TCF7L2: variants seen among roughly 807,000 people sequenced by gnomAD.
TCF7L2 encodes transcription factor 7-like 2.
In TCF7L2, 23 loss-of-function variants were observed where a neutral mutation model predicts 77.9. The observed-to-expected ratio is 0.30, with a 90% confidence interval of 0.21 to 0.42. The LOEUF is 0.42. TCF7L2 is among the 10% of genes least tolerant of loss of function. The pLI, the probability that TCF7L2 is intolerant of heterozygous loss-of-function variation, is 1.00. For synonymous variants in TCF7L2, 413 were observed against 340.2 expected (o/e 1.21, Z -2.36); for missense variants, 654 against 793.1 (o/e 0.82, Z 2.11).
In TCF7L2 at chr10:113,151,635, G is replaced by A. The variant is rs2137143225; in HGVS notation, c.1002-90G>A. On this transcript the variant is annotated intron_variant, in intron 9 of 13. Transcript: ENST00000627217. The surrounding 1 kb of genome is among the most constrained non-coding windows in gnomAD (Gnocchi z 5.2). Reference sequence around the variant, plus strand: ...TAATCCAAAACTGCTAGGCTTGGGGGTTATGAGACAAGGAGATACGTTCCC... The same window carrying A: ...TAATCCAAAACTGCTAGGCTTGGGGATTATGAGACAAGGAGATACGTTCCC... The A allele has an allele frequency of 2.7e-6, 4 of 1,462,696 alleles. No homozygotes were observed. The highest frequency in any genetic ancestry group is 3.6e-6 in the Non-Finnish European group (4 of 1,101,738). The allele number at this position is 1,462,696 out of a possible 1,614,324, so 90.6% of individuals were successfully genotyped here.
At chr10:113,149,163 A>C (rs917446604) in intron 8 of TCF7L2, among the ~76,000 whole-genome samples, 1 of 152,242 alleles carries the variant, frequency 6.6e-6, no homozygotes. Flanking sequence ...GTTTCCTCTG[A>C]GGCCTTCGAG....
intron 5 of TCF7L2, among the ~76,000 whole-genome samples, chr10:113,073,261 A>G (rs1264492519): frequency 6.6e-6 from 1 of 151,910 alleles, no homozygotes; most frequent in Non-Finnish European, 1.5e-5. Flanking sequence ...CGTTGACCAC[A>G]GGTGGAATTC....
intron 5 of TCF7L2, among the ~76,000 whole-genome samples, chr10:113,078,070 C>T (rs911945323): frequency 1.3e-5 from 2 of 151,356 alleles, no homozygotes; most frequent in African/African-American, 4.9e-5. Context: ...AATAATATTT[C>T]ATTATATGGA....
chr10:113,035,094 G>C (rs535956520), intron 4 of TCF7L2, among the ~76,000 whole-genome samples: 2 of 151,878 alleles, frequency 1.3e-5, no homozygotes, highest in East Asian at 3.9e-4. Context: ...GGGATTTTTA[G>C]ACTTCCATTC....
intron 4 of TCF7L2, among the ~76,000 whole-genome samples, chr10:113,031,450 C>T (rs1160086431): frequency 6.7e-6 from 1 of 150,222 alleles, no homozygotes; most frequent in African/African-American, 2.5e-5. Flanking sequence ...TCCCTCTAAA[C>T]AAGCCAGCAA....
chr10:113,054,680 G>T (rs1010589888), intron 5 of TCF7L2, among the ~76,000 whole-genome samples: 2 of 152,206 alleles, frequency 1.3e-5, no homozygotes, highest in Non-Finnish European at 2.9e-5. Context: ...CCTAGCCCAT[G>T]ATCTTCCCTC....
intron 5 of TCF7L2, among the ~76,000 whole-genome samples, chr10:113,128,139 G>A (rs1034224186): frequency 5.9e-5 from 9 of 152,080 alleles, no homozygotes; most frequent in African/African-American, 2.2e-4. Flanking sequence ...TTGTCAAAGT[G>A]GAGGCTCATT....
rs529235492 is a variant in TCF7L2, at chr10:113,059,531, T to C, written c.552+19405T>C. On this transcript the variant is annotated intron_variant, in intron 5 of 13. Coordinates refer to ENST00000627217, the MANE Select transcript of TCF7L2 (RefSeq NM_001146274.2). Reference sequence around the variant, plus strand: ...TCAAAAACAGACACCGAAGCTTTAATAAAATAAATGAAGCGGAGCCCTTTC... The same window carrying C: ...TCAAAAACAGACACCGAAGCTTTAACAAAATAAATGAAGCGGAGCCCTTTC... 3.9e-5 allele frequency among the ~76,000 whole-genome samples: 6 copies of C among 152,178 alleles called. No individual in the cohort carries two copies. The South Asian group carries it at 1.2e-3, about 32-fold the overall frequency.
At chr10:113,123,668 A>G (rs976761316) in intron 5 of TCF7L2, among the ~76,000 whole-genome samples, 1 of 152,202 alleles carries the variant, frequency 6.6e-6, no homozygotes, top group Admixed American at 6.5e-5. Context: ...CATTGGGAAT[A>G]TATCCTTAAG....
intron 5 of TCF7L2, among the ~76,000 whole-genome samples, chr10:113,040,853 C>T (rs1176031098): frequency 6.6e-6 from 1 of 152,052 alleles, no homozygotes; most frequent in East Asian, 1.9e-4. Flanking sequence ...TGAAGATTCC[C>T]TTCTATGTAT....
At chr10:113,007,237 G>T (rs1454862976) in intron 4 of TCF7L2, among the ~76,000 whole-genome samples, 1 of 152,196 alleles carries the variant, frequency 6.6e-6, no homozygotes, top group African/African-American at 2.4e-5. Context: ...AGGCGCTTTC[G>T]TTCTGGGGGG....
At chr10:113,004,709 G>A (rs1306436137) in intron 4 of TCF7L2, among the ~76,000 whole-genome samples, 4 of 151,256 alleles carry the variant, frequency 2.6e-5, no homozygotes, top group East Asian at 1.9e-4. Flanking sequence ...GGAGTTTCTC[G>A]TCACCCAGGT....
chr10:113,144,088 C>CTGTGTGTG lies in TCF7L2; in HGVS notation c.788+67_788+74dup, dbSNP rs746047660. 383 of 1,261,934 alleles carry CTGTGTGTG rather than the reference C, an allele frequency of 3.0e-4. 4 individuals are homozygous for CTGTGTGTG. In the African/African-American group the frequency reaches 5.7e-3, roughly 19 times the overall value. 78.2% of individuals were successfully genotyped at this position (1,261,934 alleles called of 1,614,324 possible). A position where few individuals can be genotyped will look rare whatever the true frequency, so the allele number is the denominator to read the frequency against. On this transcript the variant is annotated intron_variant, in intron 7 of 13. Coordinates refer to ENST00000627217, the MANE Select transcript of TCF7L2 (RefSeq NM_001146274.2). ...TACATGGGCATGTTTATTATTTATTCTGTGTGTGTGTCTGTGTGTGTGTGT... is the reference window on the plus strand; with the variant it reads ...TACATGGGCATGTTTATTATTTATTCTGTGTGTGTGTGTGTGTGTCTGTGTGTGTGTGT...
intron 4 of TCF7L2, among the ~76,000 whole-genome samples, chr10:113,029,760 C>T (rs774441516): frequency 5.9e-5 from 9 of 152,042 alleles, no homozygotes; most frequent in Non-Finnish European, 1.0e-4. Flanking sequence ...AACTCCTGAC[C>T]TCAGGTGATC....
At chr10:113,127,943 A>G (rs766410501) in intron 5 of TCF7L2, among the ~76,000 whole-genome samples, 59 of 137,208 alleles carry the variant, frequency 4.3e-4, no homozygotes, top group Non-Finnish European at 7.1e-4. Context: ...AAAGTTGCCC[A>G]TCCTGTTTGC....
At chr10:113,121,776 A>C (rs1417330455) in intron 5 of TCF7L2, among the ~76,000 whole-genome samples, 1 of 77,246 alleles carries the variant, frequency 1.3e-5, no homozygotes, top group South Asian at 5.0e-4. Flanking sequence ...CATACACACA[A>C]CACACACACA....
intron 4 of TCF7L2, among the ~76,000 whole-genome samples, chr10:113,017,567 C>T (rs2047558462): frequency 6.6e-6 from 1 of 152,202 alleles, no homozygotes; most frequent in South Asian, 2.1e-4. Context: ...GCAGAGGGCT[C>T]TCTTGGGTGT....
At chr10:112,994,429 A>G (rs1218204458) in intron 4 of TCF7L2, among the ~76,000 whole-genome samples, 1 of 152,168 alleles carries the variant, frequency 6.6e-6, no homozygotes, top group Non-Finnish European at 1.5e-5. Context: ...ATGGCCAAAT[A>G]ATATTTTATT....
chr10:113,073,828 G>C (rs908044785), intron 5 of TCF7L2, among the ~76,000 whole-genome samples: 1 of 152,242 alleles, frequency 6.6e-6, no homozygotes, highest in African/African-American at 2.4e-5. Context: ...TGGCCCTGCT[G>C]CCTGCCGCCC....
Sources: gnomAD v4.1 joint callset for allele counts (sites outside exome capture counted in the v4.1 genomes callset) on GRCh38, gnomAD v4.1.1 for gene constraint, Gnocchi (gnomAD v3.1) non-coding constraint, MANE v1.5 for transcripts, NCBI Gene and HGNC (gene_info 2026-07-23, HGNC 2026-07-21) for gene names.